The following ZNF197 variants were observed in gnomAD, a reference collection of about 807,000 sequenced individuals.
ZNF197 encodes zinc finger protein 197, also known as VHL-associated KRAB-A domain-containing protein.
Under a neutral mutation model 27.4 loss-of-function variants are expected in ZNF197, and 14 were observed. The ratio of observed to expected loss-of-function variants is 0.51; its 90% confidence interval spans 0.34 to 0.80. The LOEUF (loss-of-function observed/expected upper bound fraction) is 0.80, where lower values mean the gene tolerates loss of function less well. Among genes scored for constraint, ZNF197 ranks in the 30% least tolerant of loss-of-function variants. The pLI is 0.02. For synonymous variants in ZNF197, 415 were observed against 420.0 expected (o/e 0.99, Z 0.15); for missense variants, 1,090 against 1,222.6 (o/e 0.89, Z 1.62).
chr3:44,633,171 A>G (rs1030572339), intron 5 of ZNF197, among the ~76,000 whole-genome samples: 2 of 152,196 alleles, frequency 1.3e-5, no homozygotes, highest in African/African-American at 4.8e-5. Flanking sequence ...CTTCATTTGT[A>G]CTGAGTAATC....
intron 4 of ZNF197, 73 bp from the exon 5 acceptor site, chr3:44,632,400 C>G: frequency 6.5e-7 from 1 of 1,540,172 alleles, no homozygotes; most frequent in South Asian, 1.3e-5. Flanking sequence ...TATCCCTTCC[C>G]CAGAAGTGAA....
Position 44,646,421 on chromosome 3 carries a change from C to A in ZNF197, c.*2201C>A. 6.2e-7 allele frequency: 1 copy of A among 1,609,842 alleles called. No homozygotes were observed. Among genetic ancestry groups the A allele is most frequent in the South Asian group, 1.1e-5 (1 of 90,172 alleles). ...TGAGACAGCCCACATAATGTGCCAC[C>A]TTCTGTGATGTAATAAGCTGAAAAA... On this transcript the variant is annotated 3_prime_UTR_variant, in exon 6 of 6. Coordinates refer to ENST00000344387, the MANE Select transcript of ZNF197 (RefSeq NM_006991.5).
chr3:44,632,196 G>C lies in ZNF197; in HGVS notation c.642G>C (p.Gln214His). The change falls in exon 4 of 6, where the codon CAG becomes CAC. Residue 214 changes from glutamine (Q) to histidine (H), a missense_variant and splice_region_variant. Coordinates refer to ENST00000344387, the MANE Select transcript of ZNF197 (RefSeq NM_006991.5). ...MALMLLTAQP[Q>H]ELVMFEEVSV... is the part of the protein sequence containing the mutation. ...TTATGCTCCTAACAGCCCAGCCCCA[G>C]GTAAGGTTTGCATCCTCTTTCCTTC... 1 of 1,614,102 alleles carries C rather than the reference G, an allele frequency of 6.2e-7. No individual in the cohort carries two copies. Among genetic ancestry groups the C allele is most frequent in the South Asian group, 1.1e-5 (1 of 91,078 alleles).
Position 44,630,286 on chromosome 3 carries a change from C to T in ZNF197, c.390+742C>T, listed in dbSNP as rs1438781968. The stretch of plus-strand genomic sequence containing the variant: ...AGCTTTCCACATCTTGGTAAGATCT[C>T]CTCTTGTGTGCCCTACTAGGGATCT... On this transcript the variant is annotated intron_variant, in intron 2 of 5. Coordinates refer to ENST00000344387, the MANE Select transcript of ZNF197 (RefSeq NM_006991.5). 3.3e-5 allele frequency among the ~76,000 whole-genome samples: 5 copies of T among 152,274 alleles called. No individual in the cohort carries two copies. In the East Asian group the frequency reaches 9.6e-4, roughly 29 times the overall value.
rs946996970 is a variant in ZNF197 at position 44,645,298 on chromosome 3, T to G, written c.*1078T>G. 2 of 985,334 alleles carry G rather than the reference T, an allele frequency of 2.0e-6. No homozygotes were observed. The highest frequency in any genetic ancestry group is 3.5e-5 in the African/African-American group (2 of 57,248). 61.0% of individuals were successfully genotyped at this position (985,334 alleles called of 1,614,324 possible). On this transcript the variant is annotated 3_prime_UTR_variant, in exon 6 of 6. Coordinates refer to ENST00000344387, the MANE Select transcript of ZNF197 (RefSeq NM_006991.5). ...TAAAAGTTTAGAACATGGGATCATGTAAGTTTGTGTATTAAGTCAATATTA... is the reference window on the plus strand; with the variant it reads ...TAAAAGTTTAGAACATGGGATCATGGAAGTTTGTGTATTAAGTCAATATTA...
In ZNF197 at chr3:44,642,757, T is replaced by C; in HGVS notation, c.1627T>C (p.Cys543Arg). ...SGEKPYKCDE[C>R]GKTFAQTTYL... ...GGAAAAACCCTATAAATGTGATGAATGTGGAAAGACCTTTGCTCAGACCAC... is the reference window on the plus strand; with the variant it reads ...GGAAAAACCCTATAAATGTGATGAACGTGGAAAGACCTTTGCTCAGACCAC... The change falls in exon 6 of 6, where the codon TGT (cysteine) becomes CGT (arginine). Residue 543 changes from cysteine to arginine, a missense_variant. Cys to Arg is a radical substitution (Grantham distance 180). Coordinates refer to ENST00000344387, the MANE Select transcript of ZNF197 (RefSeq NM_006991.5). 6.2e-7 allele frequency: 1 copy of C among 1,613,764 alleles called. No homozygotes were observed. Among genetic ancestry groups the C allele is most frequent in the Non-Finnish European group, 8.5e-7 (1 of 1,179,994 alleles).
At chr3:44,631,250 C>A in intron 3 of ZNF197, 29 bp downstream of exon 3, 1 of 1,612,774 alleles carries the variant, frequency 6.2e-7, no homozygotes, top group Non-Finnish European at 8.5e-7. Context: ...GGGTTTTGGG[C>A]TGTTCAAGGA....
rs1702632672 is a variant in ZNF197 at position 44,642,025 on chromosome 3, G to T, written c.895G>T (p.Glu299Ter). ...TGTTCCCCAGGTCCTTGATTTTGAAGAAGAGTGTGAATGGCAAGTTTTGGC... is the reference window on the plus strand; with the variant it reads ...TGTTCCCCAGGTCCTTGATTTTGAATAAGAGTGTGAATGGCAAGTTTTGGC... ...GSVPQVLDFE[E>*]ECEWQVLASQ... is the part of the protein sequence containing the mutation. Residue 299 changes from glutamate to a stop codon, truncating the protein, a stop_gained, in exon 6 of 6, where the codon GAA becomes TAA. Coordinates refer to ENST00000344387, the MANE Select transcript of ZNF197 (RefSeq NM_006991.5). LOFTEE classifies it low-confidence loss of function (END_TRUNC). 2 of 1,613,984 alleles carry T rather than the reference G, an allele frequency of 1.2e-6. No homozygotes were observed. The highest frequency in any genetic ancestry group is 1.7e-6 in the Non-Finnish European group (2 of 1,179,994).
chr3:44,629,670 T>G, intron 2 of ZNF197, 126 bp downstream of exon 2: 1 of 1,224,870 alleles, frequency 8.2e-7, no homozygotes, highest in Admixed American at 3.2e-5. Context: ...CTAGCAACCT[T>G]AATGATAATT....
rs773047452 is a variant in ZNF197, at chr3:44,643,602, G to A, written c.2472G>A (p.Gly824=). The A allele has an allele frequency of 3.1e-6, 5 of 1,614,056 alleles. No individual in the cohort carries two copies. Among genetic ancestry groups the A allele is most frequent in the Non-Finnish European group, 4.2e-6 (5 of 1,180,036 alleles). The change falls in exon 6 of 6, where the codon GGG becomes GGA. Residue 824 remains glycine (G), a synonymous_variant. Transcript: ENST00000344387. The stretch of plus-strand genomic sequence containing the variant: ...AATCTTATAAATGCAATGACTGTGG[G>A]AAGGTCTTCAGTTACCGCTCAAACC... ...REKSYKCNDC[G]KVFSYRSNLI...
chr3:44,645,614 T>C lies in ZNF197; in HGVS notation c.*1394T>C. 1 of 985,404 alleles carries C rather than the reference T, an allele frequency of 1.0e-6. No individual in the cohort carries two copies. The highest frequency in any genetic ancestry group is 1.2e-6 in the Non-Finnish European group (1 of 829,940). 61.0% of individuals were successfully genotyped at this position (985,404 alleles called of 1,614,324 possible). A position where few individuals can be genotyped will look rare whatever the true frequency, so the allele number is the denominator to read the frequency against. ...GGGCAGTGGTACCCTGCTTTCCCTA[T>C]TCAGAGGGAAAAAAATCCTTGACCC... is the stretch of plus-strand genomic sequence containing the variant. On this transcript the variant is annotated 3_prime_UTR_variant, in exon 6 of 6. Coordinates refer to ENST00000344387, the MANE Select transcript of ZNF197 (RefSeq NM_006991.5).
In ZNF197 at chr3:44,631,219, A is replaced by G. The variant is rs1293470881; in HGVS notation, c.548A>G (p.His183Arg). The change falls in exon 3 of 6, where the codon CAT becomes CGT. Residue 183 changes from histidine (H) to arginine (R), a missense_variant and splice_region_variant. Physicochemically the swap from His to Arg is conservative, Grantham distance 29. Transcript: ENST00000344387. ...GCATTCAACCTCCAGGATCCTCAGC[A>G]TGGTATTTACTCAGTGCTCTGGGTT... ...LVAFNLQDPQ[H>R]DSPAPEASAL... is the part of the protein sequence containing the mutation. The G allele has an allele frequency of 6.2e-7, 1 of 1,613,886 alleles. No individual in the cohort carries two copies. The highest frequency in any genetic ancestry group is 8.5e-7 in the Non-Finnish European group (1 of 1,179,994).
Position 44,643,271 on chromosome 3 carries a change from C to A in ZNF197, c.2141C>A (p.Thr714Asn). The stretch of plus-strand genomic sequence containing the variant: ...TATGAATGTCGAGAGTGTGGGAAAA[C>A]CTTTATTATGAGCAAAAGTTTTATG... ...KPYECRECGK[T>N]FIMSKSFMVH... is the part of the protein sequence containing the mutation. The change falls in exon 6 of 6, where the codon ACC becomes AAC. Residue 714 changes from threonine to asparagine, a missense_variant. Physicochemically the swap from Thr to Asn is moderately conservative, Grantham distance 65. Coordinates refer to ENST00000344387, the MANE Select transcript of ZNF197 (RefSeq NM_006991.5). 1.2e-6 allele frequency: 2 copies of A among 1,613,986 alleles called. No individual in the cohort carries two copies. The highest frequency in any genetic ancestry group is 1.7e-6 in the Non-Finnish European group (2 of 1,180,004).
chr3:44,647,235 T>G lies in ZNF197; in HGVS notation c.*3015T>G, dbSNP rs1015279480. ...AAAAGATGTTCAACATCATTAGGCA[T>G]GAGGGAAATGCAGAGTAAAATCGTG... is the stretch of plus-strand genomic sequence containing the variant. On this transcript the variant is annotated 3_prime_UTR_variant, in exon 6 of 6. Transcript: ENST00000344387. 8.6e-5 allele frequency: 13 copies of G among 151,200 alleles called. No individual in the cohort carries two copies. The highest frequency in any genetic ancestry group is 3.2e-4 in the African/African-American group (13 of 41,164). 9.4% of individuals were successfully genotyped at this position (151,200 alleles called of 1,614,324 possible).
At chr3:44,638,146 T>A (rs1702404195) in intron 5 of ZNF197, among the ~76,000 whole-genome samples, 1 of 152,206 alleles carries the variant, frequency 6.6e-6, no homozygotes, top group Admixed American at 6.5e-5. Flanking sequence ...GTTTTGTAGT[T>A]TTCAGAATAT....
rs1020097872 is a variant in ZNF197 at position 44,646,450 on chromosome 3, T to A, written c.*2230T>A. On this transcript the variant is annotated 3_prime_UTR_variant, in exon 6 of 6. Coordinates refer to ENST00000344387, the MANE Select transcript of ZNF197 (RefSeq NM_006991.5). ...TGTGATGTAATAAGCTGAAAAATGT[T>A]CAACCTGAATTTAATCAAGCTTCTT... 3 of 1,613,158 alleles carry A rather than the reference T, an allele frequency of 1.9e-6. No individual in the cohort carries two copies. The highest frequency in any genetic ancestry group is 2.5e-6 in the Non-Finnish European group (3 of 1,179,638).
chr3:44,630,458 G>C (rs900473220), intron 2 of ZNF197, among the ~76,000 whole-genome samples: 2 of 152,120 alleles, frequency 1.3e-5, no homozygotes. Flanking sequence ...TGTATAAGAC[G>C]TCTGAATCAT....
chr3:44,641,861 G>A, intron 5 of ZNF197, 39 bp from the exon 6 acceptor site: 4 of 1,514,508 alleles, frequency 2.6e-6, no homozygotes, highest in Non-Finnish European at 3.5e-6. Context: ...CCAAACACAG[G>A]GACGTGGTAA....
rs534752872 is a variant in ZNF197 at position 44,634,118 on chromosome 3, C to T, written c.769+1519C>T. Among the ~76,000 whole-genome samples the T allele has an allele frequency of 4.0e-4, 61 of 152,272 alleles. 1 individual carries two copies. Among genetic ancestry groups the T allele is most frequent in the African/African-American group, 1.4e-3 (60 of 41,560 alleles). ...GGAGAGCCAATTTTCCCTGGATATGCTCATGATTTGGTCAGTCTTTTAATT... is the reference window on the plus strand; with the variant it reads ...GGAGAGCCAATTTTCCCTGGATATGTTCATGATTTGGTCAGTCTTTTAATT... On this transcript the variant is annotated intron_variant, in intron 5 of 5. Transcript: ENST00000344387.
Sources: gnomAD v4.1 joint callset for allele counts (sites outside exome capture counted in the v4.1 genomes callset) on GRCh38, gnomAD v4.1.1 for gene constraint, MANE v1.5 for transcripts, NCBI Gene and HGNC (gene_info 2026-07-23, HGNC 2026-07-21) for gene names.